The following KCNQ5 variants were observed in gnomAD, a reference collection of about 807,000 sequenced individuals.
The protein encoded by KCNQ5 is potassium voltage-gated channel subfamily Q member 5.
Under a neutral mutation model 98.2 loss-of-function variants are expected in KCNQ5, and 30 were observed. The ratio of observed to expected loss-of-function variants is 0.31; its 90% CI spans 0.23 to 0.41. KCNQ5 has a LOEUF of 0.41. KCNQ5 is among the 10% of genes least tolerant of loss of function. The pLI, the probability that KCNQ5 is intolerant of heterozygous loss-of-function variation, is 1.00. For missense variants in KCNQ5, 835 were observed against 1,182.5 expected, an observed-to-expected ratio of 0.71 and a Z score of 4.31; for synonymous variants, 458 against 449.4, an observed-to-expected ratio of 1.02 and a Z score of -0.24.
chr6:72,994,164 TCCTTGAG>T (rs1178547065), intron 1 of KCNQ5, among the ~76,000 whole-genome samples: 11 of 71,268 alleles, frequency 1.5e-4, no homozygotes, highest in African/African-American at 7.7e-4. Flanking sequence ...CAGGCAGGCC[TCCTTGAG>T]CTGTGGTGGG....
At chr6:73,088,023 C>CT (rs35354592) in intron 5 of KCNQ5, among the ~76,000 whole-genome samples, 11,927 of 133,262 alleles carry the variant, frequency 0.09, 716 homozygotes, top group African/African-American at 0.11. Context: ...CTCTCTCTCT[C>CT]TTTTTTTTTT....
intron 2 of KCNQ5, among the ~76,000 whole-genome samples, chr6:73,018,786 A>G (rs549697162): frequency 3.7e-4 from 56 of 152,326 alleles, no homozygotes; most frequent in African/African-American, 1.3e-3. Context: ...ATGAAATTGT[A>G]CATACAGTAA....
chr6:73,032,220 A>G (rs547770159), intron 2 of KCNQ5, among the ~76,000 whole-genome samples: 6 of 152,208 alleles, frequency 3.9e-5, no homozygotes, highest in Non-Finnish European at 8.8e-5. Context: ...TGTATCTTAA[A>G]TTTTAATTTT....
chr6:72,845,835 G>A (rs1013679489), intron 1 of KCNQ5, among the ~76,000 whole-genome samples: 4 of 152,138 alleles, frequency 2.6e-5, no homozygotes, highest in African/African-American at 9.7e-5. Flanking sequence ...AGCAGATTAA[G>A]AGGCACAAAG....
At chr6:73,125,272 T>C (rs1413805074) in intron 9 of KCNQ5, 1 of 337,010 alleles carries the variant, frequency 3.0e-6, no homozygotes, top group Non-Finnish European at 6.0e-6. Context: ...GAATTAAACC[T>C]AGAGGGAATA....
Position 72,997,309 on chromosome 6 carries a change from T to C in KCNQ5, c.399-6599T>C, listed in dbSNP as rs117360781. Among the ~76,000 whole-genome samples the C allele has an allele frequency of 6.1e-4, 93 of 152,236 alleles. No individual in the cohort carries two copies. The East Asian group carries it at 0.016, about 27-fold the overall frequency. Reference sequence around the variant, plus strand: ...TCTGAGGGAAACCTCTTGAACTGTTTATGGGTTCTGTTGCCATCTCCTAGC... The same window carrying C: ...TCTGAGGGAAACCTCTTGAACTGTTCATGGGTTCTGTTGCCATCTCCTAGC... On this transcript the variant is annotated intron_variant, in intron 1 of 13. Transcript: ENST00000370398.
chr6:72,705,598 T>TG (rs61527832), intron 1 of KCNQ5, among the ~76,000 whole-genome samples: 37,280 of 147,514 alleles, frequency 0.25, 6,048 homozygotes, highest in African/African-American at 0.45. Flanking sequence ...TTGTTTTTTT[T>TG]TTTGTTGTTG....
intron 1 of KCNQ5, among the ~76,000 whole-genome samples, chr6:72,941,866 G>A (rs764965980): frequency 1.1e-4 from 16 of 151,972 alleles, no homozygotes; most frequent in Admixed American, 2.0e-4. Flanking sequence ...AGTCTAATGC[G>A]GGGAAAAGTT....
chr6:72,910,657 C>T (rs1582001011), intron 1 of KCNQ5, among the ~76,000 whole-genome samples: 1 of 151,230 alleles, frequency 6.6e-6, no homozygotes, highest in Non-Finnish European at 1.5e-5. Flanking sequence ...TACTTTATCA[C>T]TTCTTACCTG....
chr6:73,111,953 A>G (rs568880096), intron 7 of KCNQ5, among the ~76,000 whole-genome samples: 1 of 152,328 alleles, frequency 6.6e-6, no homozygotes, highest in South Asian at 2.1e-4. Context: ...GTTTGAGAAT[A>G]TTAAACAATA....
chr6:72,978,932 G>T (rs1768291396), intron 1 of KCNQ5, among the ~76,000 whole-genome samples: 1 of 152,108 alleles, frequency 6.6e-6, no homozygotes, highest in Admixed American at 6.6e-5. Flanking sequence ...GCAGTGTTTG[G>T]TTTTCTGTCC....
chr6:73,053,640 A>C lies in KCNQ5; in HGVS notation c.616+11578A>C, dbSNP rs551953036. On this transcript the variant is annotated intron_variant, in intron 3 of 13. Coordinates refer to ENST00000370398, the MANE Select transcript of KCNQ5 (RefSeq NM_019842.4). ...AAATTAAGGTAGAAATTCAGAAATT[A>C]TTTGAAACTAATTAGAACAAAGATA... is the stretch of plus-strand genomic sequence containing the variant. Among the ~76,000 whole-genome samples the C allele has an allele frequency of 1.5e-3, 224 of 152,290 alleles. 1 individual carries two copies. The highest frequency in any genetic ancestry group is 2.6e-3 in the Non-Finnish European group (174 of 68,008).
At chr6:73,097,849 A>T (rs1311511526) in intron 5 of KCNQ5, among the ~76,000 whole-genome samples, 1 of 152,176 alleles carries the variant, frequency 6.6e-6, no homozygotes, top group Non-Finnish European at 1.5e-5. Context: ...CAGTGACCAA[A>T]AACTTAGATC....
In KCNQ5 at chr6:73,191,231, G is replaced by A. The variant is rs1007634295; in HGVS notation, c.1709+527G>A. 3.3e-5 allele frequency among the ~76,000 whole-genome samples: 5 copies of A among 152,174 alleles called. No homozygotes were observed. The East Asian group carries it at 9.7e-4, about 29-fold the overall frequency. The stretch of plus-strand genomic sequence containing the variant: ...TAGCAGAGTCTACTGCAGAGCACAA[G>A]AGCACTCAGAATCTCGGTGTGCTGG... On this transcript the variant is annotated intron_variant, in intron 12 of 13. Coordinates refer to ENST00000370398, the MANE Select transcript of KCNQ5 (RefSeq NM_019842.4).
At chr6:72,641,288 C>A (rs949697489) in intron 1 of KCNQ5, among the ~76,000 whole-genome samples, 7 of 151,954 alleles carry the variant, frequency 4.6e-5, no homozygotes, top group Admixed American at 3.9e-4. Context: ...ATGAGGAATC[C>A]AAAATCATCA....
At chr6:72,634,588 CAGAG>C (rs1393981698) in intron 1 of KCNQ5, among the ~76,000 whole-genome samples, 3 of 152,250 alleles carry the variant, frequency 2.0e-5, no homozygotes, top group African/African-American at 7.2e-5. Flanking sequence ...GTTTTAGAGA[CAGAG>C]AGTCACTCTG....
At chr6:73,185,999 T>G (rs117490498) in intron 11 of KCNQ5, among the ~76,000 whole-genome samples, 1 of 152,178 alleles carries the variant, frequency 6.6e-6, no homozygotes, top group Non-Finnish European at 1.5e-5. Context: ...CCAAGGCAGA[T>G]GGATCACTTG....
At chr6:72,720,042 G>A (rs193293684) in intron 1 of KCNQ5, among the ~76,000 whole-genome samples, 6 of 152,262 alleles carry the variant, frequency 3.9e-5, no homozygotes, top group East Asian at 3.9e-4. Flanking sequence ...GTGACCCGCC[G>A]CCATATCTGT....
At chr6:73,102,073 G>A (rs1463214621) in intron 5 of KCNQ5, among the ~76,000 whole-genome samples, 1 of 152,086 alleles carries the variant, frequency 6.6e-6, no homozygotes, top group Non-Finnish European at 1.5e-5. Context: ...GGACAGAAGA[G>A]AGAAACCAGA....
Sources: gnomAD v4.1 joint callset for allele counts (sites outside exome capture counted in the v4.1 genomes callset) on GRCh38, gnomAD v4.1.1 for gene constraint, MANE v1.5 for transcripts, NCBI Gene and HGNC (gene_info 2026-07-23, HGNC 2026-07-21) for gene names.